The following LRRC4C variants were observed in gnomAD, a reference collection of about 807,000 sequenced individuals.
LRRC4C encodes the protein leucine-rich repeat-containing protein 4C.
Under a neutral mutation model 33.6 loss-of-function variants are expected in LRRC4C, and 5 were observed. That is an observed-to-expected ratio of 0.15 (90% CI 0.08 to 0.31). The LOEUF is 0.31. Ranked by LOEUF, LRRC4C falls within the 10% of genes least tolerant of loss-of-function variation. The pLI is 1.00. For synonymous variants in LRRC4C, 329 were observed against 302.0 expected (o/e 1.09, Z -0.93); for missense variants, 560 against 796.7 (o/e 0.70, Z 3.58).
intron 1 of LRRC4C, among the ~76,000 whole-genome samples, chr11:41,455,677 G>A (rs1478382585): frequency 6.6e-6 from 1 of 152,084 alleles, no homozygotes; most frequent in Admixed American, 6.6e-5. Context: ...CATCATTACT[G>A]TAACACATTA....
intron 1 of LRRC4C, among the ~76,000 whole-genome samples, chr11:41,063,787 C>A (rs1453905805): frequency 6.6e-6 from 1 of 152,186 alleles, no homozygotes; most frequent in Non-Finnish European, 1.5e-5. Flanking sequence ...CAGTCTAGAT[C>A]TTTAGAGCAG....
At chr11:40,123,385 T>A (rs1855973860) in intron 6 of LRRC4C, among the ~76,000 whole-genome samples, 1 of 152,072 alleles carries the variant, frequency 6.6e-6, no homozygotes, top group African/African-American at 2.4e-5. Flanking sequence ...ACTGATAAAT[T>A]CAGTAAAGTT....
intron 3 of LRRC4C, among the ~76,000 whole-genome samples, chr11:40,428,183 C>G (rs1950787107): frequency 6.6e-6 from 1 of 151,910 alleles, no homozygotes; most frequent in Non-Finnish European, 1.5e-5. Context: ...TTCTGAACTA[C>G]TGTTATATTC....
intron 1 of LRRC4C, among the ~76,000 whole-genome samples, chr11:41,274,554 G>A (rs1354890961): frequency 6.6e-6 from 1 of 152,080 alleles, no homozygotes; most frequent in Admixed American, 6.6e-5. Flanking sequence ...GGACTTCCTG[G>A]ATGGAGTAGG....
At chr11:40,783,135 C>A (rs1198062942) in intron 2 of LRRC4C, among the ~76,000 whole-genome samples, 1 of 152,020 alleles carries the variant, frequency 6.6e-6, no homozygotes, top group Non-Finnish European at 1.5e-5. Context: ...ATAATATTTT[C>A]TTAAATGCAG....
rs941159715 is a variant in LRRC4C at position 40,916,644 on chromosome 11, A to G, written c.-407+16991T>C. ...GCACACCAACATGGCACATGTATAC[A>G]TATGTAACAAACCTGCACGTTGTGC... On this transcript the variant is annotated intron_variant, in intron 2 of 6. Coordinates refer to ENST00000528697, the MANE Select transcript of LRRC4C (RefSeq NM_001258419.2). Among the ~76,000 whole-genome samples, 3 of 152,222 alleles carry G rather than the reference A, an allele frequency of 2.0e-5. No individual in the cohort carries two copies. The East Asian group carries it at 5.8e-4, about 29-fold the overall frequency.
chr11:40,382,113 T>G (rs1590538230), intron 3 of LRRC4C, among the ~76,000 whole-genome samples: 1 of 145,832 alleles, frequency 6.9e-6, no homozygotes. Flanking sequence ...CCCACCACTA[T>G]GCCCGGCTAA....
intron 2 of LRRC4C, among the ~76,000 whole-genome samples, chr11:40,807,632 A>G (rs1951311688): frequency 6.6e-6 from 1 of 152,240 alleles, no homozygotes; most frequent in Admixed American, 6.5e-5. Flanking sequence ...CATCCAAAGC[A>G]GTAAATACTA....
At chr11:40,518,200 G>C (rs1218588636) in intron 3 of LRRC4C, among the ~76,000 whole-genome samples, 1 of 152,106 alleles carries the variant, frequency 6.6e-6, no homozygotes, top group Non-Finnish European at 1.5e-5. Context: ...ATAGGCATAG[G>C]CAACAACTTC....
rs748942157 is a variant in LRRC4C, at chr11:41,069,949, T to C, written c.-495-136226A>G. 6.6e-4 allele frequency among the ~76,000 whole-genome samples: 100 copies of C among 152,234 alleles called. No homozygotes were observed. The Middle Eastern group carries it at 0.01, about 16-fold the overall frequency. ...TTTCATATGGAACCAGAAAAGAGCC[T>C]GTATAACCAAGACAATCCTAAACAA... is the stretch of plus-strand genomic sequence containing the variant. On this transcript the variant is annotated intron_variant, in intron 1 of 6. Transcript: ENST00000528697.
At chr11:40,188,570 T>G (rs1192895920) in intron 5 of LRRC4C, among the ~76,000 whole-genome samples, 1 of 152,224 alleles carries the variant, frequency 6.6e-6, no homozygotes, top group Non-Finnish European at 1.5e-5. Context: ...TTTTTATGGT[T>G]TCAAAAGGTT....
At chr11:40,542,735 C>T (rs1956773504) in intron 3 of LRRC4C, among the ~76,000 whole-genome samples, 1 of 152,064 alleles carries the variant, frequency 6.6e-6, no homozygotes, top group African/African-American at 2.4e-5. Context: ...ATGGCCCAGA[C>T]CCACATTCTA....
chr11:40,416,642 G>A (rs995028163), intron 3 of LRRC4C, among the ~76,000 whole-genome samples: 2 of 152,122 alleles, frequency 1.3e-5, no homozygotes, highest in African/African-American at 4.8e-5. Context: ...TTTGTACCTG[G>A]CACTAAGTGA....
chr11:41,149,510 C>CAAAA (rs57914595), intron 1 of LRRC4C, among the ~76,000 whole-genome samples: 34 of 55,108 alleles, frequency 6.2e-4, no homozygotes, highest in African/African-American at 9.9e-4. Flanking sequence ...ACTCCGTCTC[C>CAAAA]AAAAAAAAAA....
At chr11:41,225,224 T>C (rs1212482318) in intron 1 of LRRC4C, among the ~76,000 whole-genome samples, 2 of 152,046 alleles carry the variant, frequency 1.3e-5, no homozygotes, top group African/African-American at 4.8e-5. Flanking sequence ...TGGCCTAGTA[T>C]TTGATAGCAC....
chr11:40,485,452 G>A (rs1050340647), intron 3 of LRRC4C, among the ~76,000 whole-genome samples: 8 of 151,762 alleles, frequency 5.3e-5, no homozygotes, highest in Non-Finnish European at 1.5e-5. Context: ...AAGACTACCA[G>A]CTAATTTGTG....
At chr11:41,340,697 C>T (rs11036361) in intron 1 of LRRC4C, among the ~76,000 whole-genome samples, 26,971 of 151,942 alleles carry the variant, frequency 0.18, 2,745 homozygotes, top group East Asian at 0.44. Flanking sequence ...CTATTTGTCT[C>T]AGTTTTCTCC....
intron 2 of LRRC4C, among the ~76,000 whole-genome samples, chr11:40,754,964 A>G (rs1308989993): frequency 6.6e-6 from 1 of 152,106 alleles, no homozygotes; most frequent in East Asian, 1.9e-4. Context: ...GAAAATCTAC[A>G]TGCTCACACA....
intron 3 of LRRC4C, among the ~76,000 whole-genome samples, chr11:40,411,777 T>G (rs1444088486): frequency 6.6e-6 from 1 of 152,038 alleles, no homozygotes; most frequent in Non-Finnish European, 1.5e-5. Context: ...CATGATTATT[T>G]CTCCAGCCTA....
Sources: allele counts gnomAD v4.1 joint callset (sites outside exome capture counted in the v4.1 genomes callset), GRCh38; gene constraint gnomAD v4.1.1; transcripts MANE v1.5; gene names NCBI Gene and HGNC (gene_info 2026-07-23, HGNC 2026-07-21).